Variants in TMPRSS11F observed in about 807,000 individuals in gnomAD.
The protein encoded by TMPRSS11F is transmembrane protease serine 11F.
Under a neutral mutation model 60.2 loss-of-function variants are expected in TMPRSS11F, and 47 were observed. The ratio of observed to expected loss-of-function variants is 0.78; its 90% CI spans 0.62 to 1.00. TMPRSS11F has a LOEUF of 1.00. TMPRSS11F is among the 50% of genes least tolerant of loss of function. The probability of loss-of-function intolerance (pLI) is 0.00; values close to 1 mark genes in which losing one functional copy is unlikely to be tolerated. For synonymous variants in TMPRSS11F, 166 were observed against 167.3 expected (o/e 0.99, Z 0.06); for missense variants, 519 against 522.9 (o/e 0.99, Z 0.07).
At chr4:68,057,282 CAAA>C (rs869035642) in intron 9 of TMPRSS11F, among the ~76,000 whole-genome samples, 4 of 56,962 alleles carry the variant, frequency 7.0e-5, no homozygotes, top group South Asian at 1.2e-3. Context: ...GAGACTGTCT[CAAA>C]AAAAAAAAAA....
At chr4:68,063,364 T>G in intron 8 of TMPRSS11F, 1 of 420,102 alleles carries the variant, frequency 2.4e-6, no homozygotes, top group South Asian at 1.8e-5. Flanking sequence ...CTCTCTTTTT[T>G]TTTGTTTTCT....
chr4:68,090,731 C>A (rs1723911221), intron 2 of TMPRSS11F, 90 bp from the exon 3 acceptor site: 4 of 1,500,650 alleles, frequency 2.7e-6, no homozygotes, highest in South Asian at 1.3e-5. Context: ...AAATAGGCTA[C>A]AATAATGCAG....
intron 1 of TMPRSS11F, among the ~76,000 whole-genome samples, 192 bp downstream of exon 1, chr4:68,129,618 C>A (rs1024049613): frequency 6.6e-6 from 1 of 152,026 alleles, no homozygotes; most frequent in Non-Finnish European, 1.5e-5. Context: ...ACCACATTGG[C>A]CTCTGTTGTT....
chr4:68,062,278 A>C (rs1723199587), intron 8 of TMPRSS11F: 1 of 426,728 alleles, frequency 2.3e-6, no homozygotes, highest in Non-Finnish European at 4.5e-6. Context: ...TCAAATCAAA[A>C]ACATCTTATT....
intron 2 of TMPRSS11F, 37 bp from the exon 3 acceptor site, chr4:68,090,678 G>T (rs767234047): frequency 1.3e-6 from 2 of 1,568,798 alleles, no homozygotes; most frequent in Non-Finnish European, 1.7e-6. Flanking sequence ...CATGGTTAAA[G>T]GTAATAAGTT....
chr4:68,063,004 A>G, intron 8 of TMPRSS11F: 1 of 685,526 alleles, frequency 1.5e-6, no homozygotes, highest in Non-Finnish European at 2.8e-6. Flanking sequence ...TACTTTCACT[A>G]CAAGACATTT....
At chr4:68,100,152 A>T (rs1194104080) in intron 1 of TMPRSS11F, among the ~76,000 whole-genome samples, 1 of 152,016 alleles carries the variant, frequency 6.6e-6, no homozygotes, top group East Asian at 1.9e-4. Flanking sequence ...ATAAAACATG[A>T]CTTTTGTCCT....
intron 1 of TMPRSS11F, among the ~76,000 whole-genome samples, chr4:68,112,942 G>A (rs1342101123): frequency 6.6e-6 from 1 of 151,898 alleles, no homozygotes; most frequent in East Asian, 1.9e-4. Context: ...TACAAAATTT[G>A]CTCCATAGAA....
chr4:68,069,598 T>C (rs1306876259), intron 6 of TMPRSS11F, among the ~76,000 whole-genome samples: 4 of 150,774 alleles, frequency 2.7e-5, no homozygotes, highest in Non-Finnish European at 5.9e-5. Context: ...ACATAACAGA[T>C]ATTTCAATAA....
At chr4:68,057,702 G>T (rs1476458481) in intron 9 of TMPRSS11F, among the ~76,000 whole-genome samples, 1 of 152,000 alleles carries the variant, frequency 6.6e-6, no homozygotes, top group African/African-American at 2.4e-5. Flanking sequence ...ATTGGCAAAG[G>T]ACTTAGATAC....
chr4:68,055,479 T>C lies in TMPRSS11F; in HGVS notation c.1159-1412A>G, dbSNP rs113857485. 4.4e-3 allele frequency among the ~76,000 whole-genome samples: 676 copies of C among 152,050 alleles called. 9 individuals carry two copies. Among genetic ancestry groups the C allele is most frequent in the African/African-American group, 0.014 (592 of 41,464 alleles). On this transcript the variant is annotated intron_variant, in intron 9 of 9. Transcript: ENST00000356291. ...GGTGATGCAGAAATATTTAAGAAGG[T>C]AAAACAACCTATTAAGACTGAATCA...
At chr4:68,066,333 A>C (rs1723327848) in intron 7 of TMPRSS11F, among the ~76,000 whole-genome samples, 3 of 152,310 alleles carry the variant, frequency 2.0e-5, no homozygotes, top group African/African-American at 7.2e-5. Context: ...TCAGATAGAG[A>C]ATAAAAATTA....
At chr4:68,112,902 G>A (rs748469702) in intron 1 of TMPRSS11F, among the ~76,000 whole-genome samples, 2 of 152,134 alleles carry the variant, frequency 1.3e-5, no homozygotes, top group Non-Finnish European at 2.9e-5. Flanking sequence ...TCCTAAATAT[G>A]TGATTAAAAA....
At chr4:68,101,304 G>A (rs1017963091) in intron 1 of TMPRSS11F, among the ~76,000 whole-genome samples, 1 of 152,252 alleles carries the variant, frequency 6.6e-6, no homozygotes, top group African/African-American at 2.4e-5. Flanking sequence ...GGCAGGTACA[G>A]TATGCAGACA....
At chr4:68,115,356 CAAAAAAAAAAAAAAA>C (rs57550471) in intron 1 of TMPRSS11F, among the ~76,000 whole-genome samples, 7 of 74,690 alleles carry the variant, frequency 9.4e-5, no homozygotes, top group Non-Finnish European at 1.8e-4. Flanking sequence ...GACACCATCT[CAAAAAAAAAAAAAAA>C]AAAAAAAAAA....
chr4:68,109,478 G>A (rs1724365713), intron 1 of TMPRSS11F, among the ~76,000 whole-genome samples: 1 of 152,060 alleles, frequency 6.6e-6, no homozygotes, highest in Non-Finnish European at 1.5e-5. Flanking sequence ...AACGATGAAA[G>A]TACAGATCCC....
intron 3 of TMPRSS11F, among the ~76,000 whole-genome samples, chr4:68,078,250 G>A (rs1723625394): frequency 1.3e-5 from 2 of 152,076 alleles, no homozygotes; most frequent in African/African-American, 4.8e-5. Context: ...TCACACCTCT[G>A]TGACTGTGTA....
intron 1 of TMPRSS11F, among the ~76,000 whole-genome samples, chr4:68,122,401 A>G (rs1724640559): frequency 3.9e-5 from 6 of 152,150 alleles, no homozygotes. Flanking sequence ...TCTGAAAAAT[A>G]ATTACAGCCA....
chr4:68,095,097 G>A (rs913958490), intron 2 of TMPRSS11F, among the ~76,000 whole-genome samples: 2 of 151,332 alleles, frequency 1.3e-5, no homozygotes, highest in Non-Finnish European at 2.9e-5. Context: ...CATTAATCTC[G>A]AAAGAGCTTC....
Sources: gnomAD v4.1 joint callset for allele counts (sites outside exome capture counted in the v4.1 genomes callset) on GRCh38, gnomAD v4.1.1 for gene constraint, MANE v1.5 for transcripts, NCBI Gene and HGNC (gene_info 2026-07-23, HGNC 2026-07-21) for gene names.